Variants in KCTD20 observed in about 807,000 individuals in gnomAD.
The protein encoded by KCTD20 is potassium channel tetramerization domain containing 20.
A neutral mutation model predicts 39.6 loss-of-function variants in KCTD20; 30 were observed. The observed-to-expected ratio is 0.76, with a 90% CI of 0.57 to 1.03. The LOEUF (loss-of-function observed/expected upper bound fraction) is 1.03, where lower values mean the gene tolerates loss of function less well. Ranked by LOEUF, KCTD20 falls within the 50% of genes least tolerant of loss-of-function variation. KCTD20 has a pLI of 0.00. For synonymous variants in KCTD20, 162 were observed against 180.6 expected, an observed-to-expected ratio of 0.90 and a Z score of 0.83; for missense variants, 422 against 522.0, an observed-to-expected ratio of 0.81 and a Z score of 1.87.
At chr6:36,484,876 C>A in intron 7 of KCTD20, 52 bp downstream of exon 7, 2 of 1,014,450 alleles carry the variant, frequency 2.0e-6, no homozygotes, top group Non-Finnish European at 1.5e-6. Context: ...TCTATTGCCA[C>A]AGCTTACATC....
chr6:36,460,838 C>A (rs920043623), intron 1 of KCTD20, among the ~76,000 whole-genome samples: 5 of 151,996 alleles, frequency 3.3e-5, no homozygotes, highest in Admixed American at 1.3e-4. Context: ...TAAGGAGCAG[C>A]GGCACTGCAT....
chr6:36,485,736 G>A (rs759498371), intron 7 of KCTD20, among the ~76,000 whole-genome samples: 1 of 151,860 alleles, frequency 6.6e-6, no homozygotes, highest in Non-Finnish European at 1.5e-5. Context: ...CTCGTGATCC[G>A]CCGCCTCGGC....
intron 1 of KCTD20, among the ~76,000 whole-genome samples, chr6:36,454,064 G>A (rs575707984): frequency 9.2e-5 from 14 of 152,306 alleles, no homozygotes; most frequent in South Asian, 2.1e-4. Context: ...CTTTTGAAAT[G>A]TATTGAGACT....
chr6:36,484,629 T>G (rs1776361706), intron 6 of KCTD20, 85 bp from the exon 7 acceptor site: 1 of 666,676 alleles, frequency 1.5e-6, no homozygotes, highest in African/African-American at 1.8e-5. Context: ...GTCAAGTATA[T>G]CCTTCATTAG....
intron 1 of KCTD20, among the ~76,000 whole-genome samples, chr6:36,465,941 G>A (rs1032384567): frequency 2.6e-4 from 39 of 152,128 alleles, no homozygotes; most frequent in African/African-American, 8.7e-4. Context: ...AGTCTCTTCA[G>A]TTACTGTTAA....
chr6:36,451,474 C>T (rs1231364717), intron 1 of KCTD20: 1 of 152,076 alleles, frequency 6.6e-6, no homozygotes, highest in East Asian at 1.9e-4. Context: ...TATATCAATA[C>T]TATTTCACAC....
At position 36,483,777 on chromosome 6, in the gene KCTD20, C is replaced by A. The variant is rs866472946; in HGVS notation, c.857-937C>A. Reference sequence around the variant, plus strand: ...CAAGCCATCTTCCTGCATCTGCCCCCGAAAGTGTTGTGATTACAGGCGTGA... The same window carrying A: ...CAAGCCATCTTCCTGCATCTGCCCCAGAAAGTGTTGTGATTACAGGCGTGA... On this transcript the variant is annotated intron_variant, in intron 6 of 7. Transcript: ENST00000373731. Among the ~76,000 whole-genome samples, 5 of 151,962 alleles carry A rather than the reference C, an allele frequency of 3.3e-5. No individual in the cohort carries two copies. In the South Asian group the frequency reaches 1.0e-3, roughly 32 times the overall value.
chr6:36,486,966 A>C lies in KCTD20; in HGVS notation c.1051A>C (p.Ile351Leu). The C allele has an allele frequency of 6.2e-7, 1 of 1,614,182 alleles. No homozygotes were observed. Among genetic ancestry groups the C allele is most frequent in the East Asian group, 2.2e-5 (1 of 44,888 alleles). Residue 351 changes from isoleucine to leucine, a missense_variant, in exon 8 of 8, where the codon ATC (isoleucine) becomes CTC (leucine). Coordinates refer to ENST00000373731, the MANE Select transcript of KCTD20 (RefSeq NM_173562.5). ...CTATAATTATGTACAACGCCCCTTC[A>C]TCCAGATGTCATGGGAAAAGGAAGA... is the stretch of plus-strand genomic sequence containing the variant. Reference protein sequence around the residue: ...VIYNYVQRPFIQMSWEKEEGK... With the variant: ...VIYNYVQRPFLQMSWEKEEGK...
chr6:36,463,170 C>G (rs1484859369), intron 1 of KCTD20, among the ~76,000 whole-genome samples: 1 of 152,110 alleles, frequency 6.6e-6, no homozygotes, highest in East Asian at 1.9e-4. Flanking sequence ...GGTAATAAAG[C>G]CTTGTTTATT....
chr6:36,479,839 T>G, intron 5 of KCTD20, 128 bp downstream of exon 5: 53 of 684,420 alleles, frequency 7.7e-5, no homozygotes, highest in Middle Eastern at 4.6e-4. Context: ...TCGCCGAGGC[T>G]GGAGTGCAGT....
intron 3 of KCTD20, among the ~76,000 whole-genome samples, chr6:36,476,540 G>A (rs888712304): frequency 2.5e-4 from 38 of 150,400 alleles, no homozygotes; most frequent in African/African-American, 9.3e-4. Flanking sequence ...AGCAATTCTC[G>A]TGCCTCAGCC....
rs1046287243 is a variant in KCTD20, at chr6:36,487,478, C to G, written c.*303C>G. ...AAAGCAGGAAAGGAAGTCAAGACTCCTGTTGCCTCGTGCTTAGCAAAGCAG... is the reference window on the plus strand; with the variant it reads ...AAAGCAGGAAAGGAAGTCAAGACTCGTGTTGCCTCGTGCTTAGCAAAGCAG... On this transcript the variant is annotated 3_prime_UTR_variant, in exon 8 of 8. Coordinates refer to ENST00000373731, the MANE Select transcript of KCTD20 (RefSeq NM_173562.5). 2.8e-6 allele frequency: 1 copy of G among 361,054 alleles called. No homozygotes were observed. The highest frequency in any genetic ancestry group is 5.0e-6 in the Non-Finnish European group (1 of 198,276). 22.4% of individuals were successfully genotyped at this position (361,054 alleles called of 1,614,324 possible).
intron 1 of KCTD20, among the ~76,000 whole-genome samples, chr6:36,445,150 T>C (rs1774999490): frequency 6.7e-6 from 1 of 150,302 alleles, no homozygotes; most frequent in Admixed American, 6.7e-5. Flanking sequence ...TAATCCCAGC[T>C]ACACGGGAGG....
intron 1 of KCTD20, among the ~76,000 whole-genome samples, chr6:36,457,684 G>A (rs961707465): frequency 2.0e-5 from 3 of 152,170 alleles, no homozygotes; most frequent in Non-Finnish European, 2.9e-5. Context: ...CTGCAAAAAT[G>A]TCAAGAAGTC....
chr6:36,461,507 T>G (rs1454921369), intron 1 of KCTD20, among the ~76,000 whole-genome samples: 1 of 152,154 alleles, frequency 6.6e-6, no homozygotes, highest in Non-Finnish European at 1.5e-5. Flanking sequence ...TGTAGTACAT[T>G]AATATTTTTA....
rs757480703 is a variant in KCTD20 at position 36,487,227 on chromosome 6, G to GCAGC, written c.*58_*61dup. On this transcript the variant is annotated 3_prime_UTR_variant, in exon 8 of 8. Coordinates refer to ENST00000373731, the MANE Select transcript of KCTD20 (RefSeq NM_173562.5). Reference sequence around the variant, plus strand: ...GGAGCCCATCTCACCTGGGATGCCTGCAGCCAGCCCTCCCTCGTGATTTGT... The same window carrying GCAGC: ...GGAGCCCATCTCACCTGGGATGCCTGCAGCCAGCCAGCCCTCCCTCGTGATTTGT... 14 of 1,550,776 alleles carry GCAGC rather than the reference G, an allele frequency of 9.0e-6. No individual in the cohort carries two copies. Among genetic ancestry groups the GCAGC allele is most frequent in the Non-Finnish European group, 7.9e-6 (9 of 1,143,600 alleles).
At chr6:36,446,271 G>A (rs560960107) in intron 1 of KCTD20, among the ~76,000 whole-genome samples, 5 of 151,954 alleles carry the variant, frequency 3.3e-5, no homozygotes, top group South Asian at 2.1e-4. Context: ...CAGGTGATCC[G>A]CCCACCTGGG....
At chr6:36,448,015 G>GTATATATATATATATATATATA (rs70975158) in intron 1 of KCTD20, among the ~76,000 whole-genome samples, 45 of 128,924 alleles carry the variant, frequency 3.5e-4, no homozygotes, top group African/African-American at 1.5e-3. Context: ...ATGTGTGTGT[G>GTATATATATATATATATATATA]TATATATATA....
chr6:36,476,720 G>C (rs1371170937), intron 3 of KCTD20, among the ~76,000 whole-genome samples: 1 of 152,140 alleles, frequency 6.6e-6, no homozygotes, highest in Non-Finnish European at 1.5e-5. Flanking sequence ...GAGCCACTGT[G>C]CCTGGCCACA....
Sources: gnomAD v4.1 joint callset for allele counts (sites outside exome capture counted in the v4.1 genomes callset) on GRCh38, gnomAD v4.1.1 for gene constraint, MANE v1.5 for transcripts, NCBI Gene and HGNC (gene_info 2026-07-23, HGNC 2026-07-21) for gene names.